Variants in PSPH observed in about 807,000 individuals in gnomAD.
The protein encoded by PSPH is phosphoserine phosphatase.
In PSPH, 16 loss-of-function variants were observed where a neutral mutation model predicts 23.4. That is an observed-to-expected ratio of 0.68 (90% confidence interval 0.46 to 1.04). PSPH has a LOEUF of 1.04. Among genes scored for constraint, PSPH ranks in the 50% least tolerant of loss-of-function variants. The pLI, the probability that PSPH is intolerant of heterozygous loss-of-function variation, is 0.00. For synonymous variants in PSPH, 68 were observed against 99.7 expected (o/e 0.68, Z 1.89); for missense variants, 223 against 273.7 (o/e 0.81, Z 1.31).
At chr7:56,037,453 C>G (rs2117021658) in intron 1 of PSPH, among the ~76,000 whole-genome samples, 1 of 150,752 alleles carries the variant, frequency 6.6e-6, no homozygotes, top group African/African-American at 2.4e-5. Context: ...CAGGGTCTCA[C>G]TGTAACCCAG....
rs34876866 is a variant in PSPH, at chr7:56,048,290, GAA to G, written c.-292+2846_-292+2847del. ...GCAACACTCTGTCTTTAAAAAATTT[GAA>G]AAAAAAAAAAAAAATCATAAGGAAA... On this transcript the variant is annotated intron_variant, in intron 1 of 7. Transcript: ENST00000275605. 1.7e-3 allele frequency among the ~76,000 whole-genome samples: 219 copies of G among 130,080 alleles called. 1 individual carries two copies. The highest frequency in any genetic ancestry group is 3.5e-3 in the South Asian group (14 of 4,018). The allele number at this position is 130,080 out of a possible 152,430, so 85.3% of individuals were successfully genotyped here.
chr7:56,042,245 GA>G (rs997089373), intron 1 of PSPH, among the ~76,000 whole-genome samples: 1 of 148,466 alleles, frequency 6.7e-6, no homozygotes, highest in Non-Finnish European at 1.5e-5. Context: ...AAATCTGTCT[GA>G]AAAAAAACTT....
intron 6 of PSPH, among the ~76,000 whole-genome samples, chr7:56,016,855 G>A (rs1182728657): frequency 1.3e-5 from 2 of 152,068 alleles, no homozygotes; most frequent in Admixed American, 6.6e-5. Context: ...GAGATTACAG[G>A]CGTGAGCCAC....
At chr7:56,018,642 C>A (rs933138929) in intron 5 of PSPH, among the ~76,000 whole-genome samples, 7 of 151,924 alleles carry the variant, frequency 4.6e-5, no homozygotes, top group Non-Finnish European at 1.0e-4. Context: ...GCCTGGGCAA[C>A]ATAGCAAGAC....
intron 7 of PSPH, among the ~76,000 whole-genome samples, chr7:56,012,495 T>C (rs2116445604): frequency 6.6e-6 from 1 of 151,926 alleles, no homozygotes; most frequent in East Asian, 2.0e-4. Flanking sequence ...TTGTCATTTC[T>C]TGAAAATGAG....
chr7:56,039,836 C>T (rs1456457912), intron 1 of PSPH, among the ~76,000 whole-genome samples: 3 of 149,490 alleles, frequency 2.0e-5, no homozygotes, highest in East Asian at 2.0e-4. Context: ...CAGTAGCTCA[C>T]GCCTGTAATC....
At chr7:56,037,153 G>C (rs1351400793) in intron 1 of PSPH, among the ~76,000 whole-genome samples, 1 of 137,868 alleles carries the variant, frequency 7.3e-6, no homozygotes. Flanking sequence ...CAGCCTGTGT[G>C]ACAAAGCCAG....
At chr7:56,011,983 G>A (rs967317308) in intron 7 of PSPH, 114 bp from the exon 8 acceptor site, 10 of 796,974 alleles carry the variant, frequency 1.3e-5, no homozygotes, top group Non-Finnish European at 2.0e-5. Flanking sequence ...TCCACTCACT[G>A]CAACCTCTGC....
chr7:56,045,027 G>A (rs1430052689), intron 1 of PSPH, among the ~76,000 whole-genome samples: 2 of 148,828 alleles, frequency 1.3e-5, no homozygotes, highest in African/African-American at 5.0e-5. Context: ...AGCTGAGATC[G>A]TGCCATTGCA....
At chr7:56,050,684 T>C (rs1044079140) in intron 1 of PSPH, among the ~76,000 whole-genome samples, 1 of 152,218 alleles carries the variant, frequency 6.6e-6, no homozygotes, top group Non-Finnish European at 1.5e-5. Flanking sequence ...GCAGTGTGTA[T>C]TATGAATTGC....
Position 56,017,304 on chromosome 7 carries a change from C to G in PSPH, c.351G>C (p.Glu117Asp). Residue 117 changes from glutamate (E) to aspartate (D), a missense_variant, in exon 6 of 8, where the codon GAG (glutamate) becomes GAC (aspartate). Coordinates refer to ENST00000275605, the MANE Select transcript of PSPH (RefSeq NM_004577.4). ...GGATATTGAGCTTTGAAGCAACATG[C>G]TCTACAATACTCCTAAAGCCACCAG... ...LISGGFRSIV[E>D]HVASKLNIPA... The G allele has an allele frequency of 3.7e-6, 6 of 1,613,428 alleles. No homozygotes were observed. The highest frequency in any genetic ancestry group is 5.1e-6 in the Non-Finnish European group (6 of 1,179,660).
chr7:56,043,576 G>A (rs906630334), intron 1 of PSPH, among the ~76,000 whole-genome samples: 3 of 152,072 alleles, frequency 2.0e-5, no homozygotes, highest in Non-Finnish European at 4.4e-5. Context: ...TAGCACTTTG[G>A]GAGGCCAAGG....
rs1288288227 is a variant in PSPH, at chr7:56,019,742, G to A, written c.141-8C>T. The stretch of plus-strand genomic sequence containing the variant: ...CCCATGGCTCGCCGTGTCCTAGGAG[G>A]GAGACCCAACAGTCAGGCCAGCCAG... On this transcript the variant is annotated splice_polypyrimidine_tract_variant and splice_region_variant and intron_variant, in intron 4 of 7. Transcript: ENST00000275605. The A allele has an allele frequency of 1.4e-5, 22 of 1,612,448 alleles. No individual in the cohort carries two copies. The highest frequency in any genetic ancestry group is 1.9e-5 in the Non-Finnish European group (22 of 1,179,790).
intron 2 of PSPH, chr7:56,033,355 A>T (rs1002872812): frequency 5.9e-5 from 9 of 151,754 alleles, no homozygotes; most frequent in African/African-American, 2.2e-4. Flanking sequence ...AAAATTAAAA[A>T]ATTAGTTAGG....
At chr7:56,041,901 G>A (rs896288824) in intron 1 of PSPH, among the ~76,000 whole-genome samples, 1 of 151,528 alleles carries the variant, frequency 6.6e-6, no homozygotes, top group Non-Finnish European at 1.5e-5. Flanking sequence ...TCTAGCCTGG[G>A]CAACAGAGCG....
chr7:56,021,378 CT>C, intron 3 of PSPH, 147 bp from the exon 4 acceptor site: 2 of 708,314 alleles, frequency 2.8e-6, no homozygotes, highest in South Asian at 3.8e-5. Flanking sequence ...TTTTCCTTTT[CT>C]TTTTGTTTAC....
At chr7:56,024,345 G>A (rs983336774) in intron 3 of PSPH, among the ~76,000 whole-genome samples, 3 of 150,670 alleles carry the variant, frequency 2.0e-5, no homozygotes, top group African/African-American at 7.3e-5. Context: ...TTGAGTAGCT[G>A]GGACTACAGG....
intron 1 of PSPH, chr7:56,043,253 A>G (rs1430473160): frequency 6.7e-6 from 1 of 149,898 alleles, no homozygotes; most frequent in Non-Finnish European, 1.5e-5. Context: ...TGGGCGATAG[A>G]GTGAGACTCT....
intron 1 of PSPH, among the ~76,000 whole-genome samples, chr7:56,040,323 G>A (rs191251627): frequency 2.1e-3 from 316 of 152,018 alleles, no homozygotes; most frequent in Middle Eastern, 6.8e-3. Context: ...ATCCAGGTAT[G>A]ATATATGGTT....
Sources: gnomAD v4.1 joint callset for allele counts (sites outside exome capture counted in the v4.1 genomes callset) on GRCh38, gnomAD v4.1.1 for gene constraint, MANE v1.5 for transcripts, NCBI Gene and HGNC (gene_info 2026-07-23, HGNC 2026-07-21) for gene names.